Variants in PPP2CB observed in about 807,000 individuals in gnomAD.
The protein encoded by PPP2CB is protein phosphatase 2 catalytic subunit beta.
PPP2CB carries 18 observed loss-of-function variants against 39.1 expected under a neutral mutation model. The ratio of observed to expected loss-of-function variants is 0.46; its 90% CI spans 0.32 to 0.68. The LOEUF (loss-of-function observed/expected upper bound fraction) is 0.68. Ranked by LOEUF, PPP2CB falls within the 30% of genes least tolerant of loss-of-function variation. The pLI is 0.04. For missense variants in PPP2CB, 226 were observed against 396.9 expected (o/e 0.57, Z 3.66); for synonymous variants, 129 against 133.8 (o/e 0.96, Z 0.25).
At chr8:30,811,653 AC>A (rs1563218628) in intron 1 of PPP2CB, among the ~76,000 whole-genome samples, 1 of 150,276 alleles carries the variant, frequency 6.7e-6, no homozygotes, top group Non-Finnish European at 1.5e-5. Context: ...CCGCCGTCAC[AC>A]CCTGCTAATT....
chr8:30,808,140 G>A (rs748066928), intron 1 of PPP2CB, among the ~76,000 whole-genome samples: 3 of 151,998 alleles, frequency 2.0e-5, no homozygotes, highest in Non-Finnish European at 2.9e-5. Context: ...TCACTCTGTC[G>A]CCCAGGCTGG....
intron 3 of PPP2CB, among the ~76,000 whole-genome samples, chr8:30,795,798 C>CT (rs1806513186): frequency 6.6e-6 from 1 of 152,218 alleles, no homozygotes; most frequent in African/African-American, 2.4e-5. Context: ...CTTCATTCAG[C>CT]TTTTCAAACT....
chr8:30,792,029 T>C (rs1440194937), intron 5 of PPP2CB, among the ~76,000 whole-genome samples: 3 of 151,694 alleles, frequency 2.0e-5, no homozygotes, highest in African/African-American at 7.3e-5. Context: ...TGTATATATG[T>C]ATACATATAT....
At chr8:30,796,658 G>A (rs953549334) in intron 3 of PPP2CB, among the ~76,000 whole-genome samples, 3 of 152,064 alleles carry the variant, frequency 2.0e-5, no homozygotes, top group Non-Finnish European at 2.9e-5. Flanking sequence ...TAAAGTGCTG[G>A]GATTACAGGT....
chr8:30,793,279 T>C (rs768441380), intron 5 of PPP2CB: 1 of 152,214 alleles, frequency 6.6e-6, no homozygotes, highest in Non-Finnish European at 1.5e-5. Flanking sequence ...ATGTCAAGAA[T>C]GTGGAAAACA....
Position 30,799,907 on chromosome 8 carries a change from A to G in PPP2CB, c.103-152T>C, listed in dbSNP as rs1806592451. ...AGATAACACTTTCATTAGAAAGGCTATAATAAAAAAGACAGTTAATAAGTG... is the reference window on the plus strand; with the variant it reads ...AGATAACACTTTCATTAGAAAGGCTGTAATAAAAAAGACAGTTAATAAGTG... On this transcript the variant is annotated intron_variant, in intron 1 of 6. Coordinates refer to ENST00000221138, the MANE Select transcript of PPP2CB (RefSeq NM_001009552.2). 5 of 641,988 alleles carry G rather than the reference A, an allele frequency of 7.8e-6. No individual in the cohort carries two copies. The South Asian group carries it at 9.9e-5, about 13-fold the overall frequency. The allele number at this position is 641,988 out of a possible 1,614,324, so 39.8% of individuals were successfully genotyped here.
chr8:30,798,237 C>G (rs1487101212), intron 2 of PPP2CB, among the ~76,000 whole-genome samples: 1 of 152,134 alleles, frequency 6.6e-6, no homozygotes, highest in Non-Finnish European at 1.5e-5. Flanking sequence ...AAAACAGGCC[C>G]TTGACAAAAC....
chr8:30,786,897 C>T (rs968341366), intron 6 of PPP2CB, among the ~76,000 whole-genome samples: 1 of 151,922 alleles, frequency 6.6e-6, no homozygotes, highest in Non-Finnish European at 1.5e-5. Context: ...CATCTCCTGA[C>T]CTCATGATCC....
intron 1 of PPP2CB, among the ~76,000 whole-genome samples, chr8:30,805,629 TA>T (rs1181781823): frequency 6.6e-6 from 1 of 152,032 alleles, no homozygotes; most frequent in African/African-American, 2.4e-5. Flanking sequence ...TCCTGCATAT[TA>T]AAAAAAATCC....
chr8:30,786,282 G>C lies in PPP2CB; in HGVS notation c.883C>G (p.Arg295Gly). 1.3e-6 allele frequency: 2 copies of C among 1,579,334 alleles called. No homozygotes were observed. Among genetic ancestry groups the C allele is most frequent in the Non-Finnish European group, 1.7e-6 (2 of 1,162,054 alleles). Residue 295 changes from arginine to glycine, a missense_variant, in exon 7 of 7, where the codon CGT becomes GGT. By Grantham distance (125) the Arg-to-Gly change is moderately radical. Around this residue, in one of 4 missense-constraint regions of PPP2CB, gnomAD observed 56 missense variants for 92.0 expected, o/e 0.61. Coordinates refer to ENST00000221138, the MANE Select transcript of PPP2CB (RefSeq NM_001009552.2). Reference sequence around the variant, plus strand: ...CGCCGTGTAACATGAGGCTCACCACGACGAGGCGCTGGGTCAAATTGAAGG... The same window carrying C: ...CGCCGTGTAACATGAGGCTCACCACCACGAGGCGCTGGGTCAAATTGAAGG... ...SFLQFDPAPR[R>G]GEPHVTRRTP...
Position 30,794,301 on chromosome 8 carries a change from A to G in PPP2CB, c.487-20T>C, listed in dbSNP as rs1563214928. The G allele has an allele frequency of 1.9e-6, 3 of 1,575,982 alleles. No individual in the cohort carries two copies. The highest frequency in any genetic ancestry group is 3.4e-5 in the Admixed American group (2 of 59,340). On this transcript the variant is annotated intron_variant, in intron 3 of 6. Coordinates refer to ENST00000221138, the MANE Select transcript of PPP2CB (RefSeq NM_001009552.2). The stretch of plus-strand genomic sequence containing the variant: ...GAATATCTATGTATGAATTAACAAA[A>G]GAGAATGTATTTGTTTTACTAACTC...
rs1487206710 is a variant in PPP2CB, at chr8:30,799,566, TCA to T, written c.290_291del (p.Val97AspfsTer34). On this transcript the variant is annotated frameshift_variant, in exon 2 of 7. Transcript: ENST00000221138. LOFTEE classifies it high-confidence loss of function. Reference protein sequence around the residue: ...VDRGYYSVETVTLLVALKVRY... With the variant: ...VDRGYYSVETXTLLVALKVRY... Reference sequence around the variant, plus strand: ...CATACCTTTAATGCTACAAGAAGAGTCACAGTCTCCACTGAATAATATCCTCT... The same window carrying T: ...CATACCTTTAATGCTACAAGAAGAGTCAGTCTCCACTGAATAATATCCTCT... The T allele has an allele frequency of 1.2e-6, 2 of 1,611,752 alleles. No homozygotes were observed. The highest frequency in any genetic ancestry group is 1.7e-6 in the Non-Finnish European group (2 of 1,178,666).
At chr8:30,790,459 C>T (rs1191207099) in intron 6 of PPP2CB, among the ~76,000 whole-genome samples, 1 of 152,238 alleles carries the variant, frequency 6.6e-6, no homozygotes, top group Non-Finnish European at 1.5e-5. Context: ...CCACAAAGCA[C>T]TCAGATTTGG....
chr8:30,795,433 T>C (rs1806507199), intron 3 of PPP2CB, among the ~76,000 whole-genome samples: 2 of 152,356 alleles, frequency 1.3e-5, no homozygotes, highest in African/African-American at 4.8e-5. Flanking sequence ...AGGTTTCTAA[T>C]GTTTAGCTGA....
chr8:30,811,537 G>A (rs1307888124), intron 1 of PPP2CB, among the ~76,000 whole-genome samples: 1 of 148,006 alleles, frequency 6.8e-6, no homozygotes, highest in Non-Finnish European at 1.5e-5. Flanking sequence ...TGTCGCCCAG[G>A]CTGGAGTGCA....
At position 30,786,178 on chromosome 8, in the gene PPP2CB, A is replaced by G. The variant is rs1198347584; in HGVS notation, c.*57T>C. On this transcript the variant is annotated 3_prime_UTR_variant, in exon 7 of 7. Transcript: ENST00000221138. ...TGTTGCTTTTTGTTTTTAAATACAT[A>G]TATTTTAAAAAGCCAGGTATACTTC... The G allele has an allele frequency of 1.6e-5, 22 of 1,352,140 alleles. No individual in the cohort carries two copies. The highest frequency in any genetic ancestry group is 8.1e-5 in the South Asian group (6 of 74,362). The allele number at this position is 1,352,140 out of a possible 1,614,324, so 83.8% of individuals were successfully genotyped here.
chr8:30,805,812 C>T (rs540256044), intron 1 of PPP2CB, among the ~76,000 whole-genome samples: 6 of 152,120 alleles, frequency 3.9e-5, no homozygotes, highest in Admixed American at 6.5e-5. Context: ...TAACATGATG[C>T]TATTATAACG....
At chr8:30,791,130 C>T in intron 6 of PPP2CB, 67 bp downstream of exon 6, 1 of 1,092,908 alleles carries the variant, frequency 9.1e-7, no homozygotes, top group Non-Finnish European at 1.3e-6. Flanking sequence ...AAACAGAAAT[C>T]TTCTATTTTT....
rs1344467554 is a variant in PPP2CB at position 30,812,626 on chromosome 8, G to C, written c.-205C>G. On this transcript the variant is annotated 5_prime_UTR_variant, in exon 1 of 7. Transcript: ENST00000221138. ...CCCAGCAGGCGGCTCCGAGCGCGCA[G>C]CCTGGAGGAGACCCCCGCCCGCCCT... 1.3e-5 allele frequency: 5 copies of C among 392,936 alleles called. No homozygotes were observed. The East Asian group carries it at 2.9e-4, about 23-fold the overall frequency. 24.3% of individuals were successfully genotyped at this position (392,936 alleles called of 1,614,324 possible). A position where few individuals can be genotyped will look rare whatever the true frequency, so the allele number is the denominator to read the frequency against.
Sources: gnomAD v4.1 joint callset for allele counts (sites outside exome capture counted in the v4.1 genomes callset) on GRCh38, gnomAD v4.1.1 for gene constraint, gnomAD v4.1.1 regional missense constraint, MANE v1.5 for transcripts, NCBI Gene and HGNC (gene_info 2026-07-23, HGNC 2026-07-21) for gene names.